The following MIER1 variants were observed in gnomAD, a reference collection of about 807,000 sequenced individuals.
MIER1 encodes mesoderm induction early response protein 1.
Under a neutral mutation model 75.7 loss-of-function variants are expected in MIER1, and 40 were observed. That is an observed-to-expected ratio of 0.53 (90% confidence interval 0.41 to 0.69). MIER1 has a LOEUF of 0.69. MIER1 is among the 30% of genes least tolerant of loss of function. The pLI is 0.00. For synonymous variants in MIER1, 213 were observed against 223.4 expected (o/e 0.95, Z 0.42); for missense variants, 574 against 680.2 (o/e 0.84, Z 1.74).
chr1:66,948,927 CTG>C (rs1367633708), intron 4 of MIER1, among the ~76,000 whole-genome samples: 3 of 152,110 alleles, frequency 2.0e-5, no homozygotes, highest in East Asian at 1.9e-4. Context: ...TTTTCAGAGA[CTG>C]TGTGTCTGAA....
At chr1:66,983,265 C>T (rs1422157040) in intron 13 of MIER1, among the ~76,000 whole-genome samples, 6 of 152,262 alleles carry the variant, frequency 3.9e-5, no homozygotes, top group South Asian at 2.1e-4. Context: ...TAATCACAGT[C>T]GTCAGCTAGC....
intron 8 of MIER1, among the ~76,000 whole-genome samples, chr1:66,964,838 A>G (rs1662053450): frequency 1.3e-5 from 2 of 152,124 alleles, no homozygotes; most frequent in African/African-American, 4.8e-5. Context: ...TTTTCTTCAC[A>G]TTTCAACTTA....
chr1:66,928,026 T>G (rs879459384), intron 2 of MIER1, among the ~76,000 whole-genome samples: 1 of 152,118 alleles, frequency 6.6e-6, no homozygotes, highest in Non-Finnish European at 1.5e-5. Flanking sequence ...GGAAGGATAC[T>G]GAATTCAGTG....
chr1:66,944,329 C>T (rs1656963273), intron 3 of MIER1, among the ~76,000 whole-genome samples: 1 of 151,630 alleles, frequency 6.6e-6, no homozygotes, highest in South Asian at 2.1e-4. Flanking sequence ...TTTCAATGTT[C>T]AGTAACTCAT....
chr1:66,949,871 T>C (rs924462895), intron 4 of MIER1, among the ~76,000 whole-genome samples: 4 of 152,240 alleles, frequency 2.6e-5, no homozygotes, highest in East Asian at 3.8e-4. Flanking sequence ...TCAGGAAATA[T>C]CAATAACTGT....
chr1:66,948,933 G>A (rs1444997963), intron 4 of MIER1, among the ~76,000 whole-genome samples: 3 of 152,268 alleles, frequency 2.0e-5, no homozygotes, highest in East Asian at 3.9e-4. Flanking sequence ...GAGACTGTGT[G>A]TCTGAAAACA....
In MIER1 at chr1:66,958,185, AATG is replaced by A; in HGVS notation, c.471_473del (p.Asp158del). 1.9e-6 allele frequency: 3 copies of A among 1,604,722 alleles called. No homozygotes were observed. Among genetic ancestry groups the A allele is most frequent in the East Asian group, 2.2e-5 (1 of 44,764 alleles). On this transcript the variant is annotated inframe_deletion, in exon 5 of 14. Coordinates refer to ENST00000401041, the MANE Select transcript of MIER1 (RefSeq NM_001077700.3). ...AGGTGAAGATGATGAAGATGCTGAT[AATG>A]ATGACAACAGTGGCTGTAGTGGGGA...
intron 3 of MIER1, among the ~76,000 whole-genome samples, chr1:66,942,271 A>G (rs1489831444): frequency 6.6e-6 from 1 of 152,222 alleles, no homozygotes; most frequent in East Asian, 1.9e-4. Flanking sequence ...AATGCTAGTA[A>G]TAATAGTCAC....
chr1:66,940,009 T>C lies in MIER1; in HGVS notation c.169-19T>C, dbSNP rs868665022. 4 of 1,596,544 alleles carry C rather than the reference T, an allele frequency of 2.5e-6. No homozygotes were observed. Among genetic ancestry groups the C allele is most frequent in the Non-Finnish European group, 2.6e-6 (3 of 1,165,094 alleles). On this transcript the variant is annotated intron_variant, in intron 2 of 13. Transcript: ENST00000401041. ...ATTATACAGAAATACTAATTTTTCC[T>C]CTTTTCTCCCCTTCTCAGCCATCTG... is the stretch of plus-strand genomic sequence containing the variant.
intron 4 of MIER1, chr1:66,946,561 A>G (rs936327958): frequency 9.9e-6 from 11 of 1,108,106 alleles, no homozygotes; most frequent in Non-Finnish European, 1.2e-5. Flanking sequence ...GGTCTGGTCA[A>G]AAATGGACTA....
intron 2 of MIER1, among the ~76,000 whole-genome samples, chr1:66,934,647 C>T (rs963280375): frequency 6.7e-6 from 1 of 149,300 alleles, no homozygotes; most frequent in Admixed American, 6.8e-5. Flanking sequence ...CTTAAGTGAT[C>T]CTCCTGTCTT....
chr1:66,925,169 A>C, intron 1 of MIER1, 74 bp downstream of exon 1: 1 of 1,503,878 alleles, frequency 6.6e-7, no homozygotes, highest in Non-Finnish European at 8.8e-7. Context: ...AGGTGTCCTC[A>C]GTCCCCTTTC....
At chr1:66,937,342 T>C (rs1249309314) in intron 2 of MIER1, among the ~76,000 whole-genome samples, 1 of 152,138 alleles carries the variant, frequency 6.6e-6, no homozygotes, top group African/African-American at 2.4e-5. Context: ...TCCCGGCACT[T>C]TTGGGAGGCC....
chr1:66,942,311 C>A (rs1558036431), intron 3 of MIER1, among the ~76,000 whole-genome samples: 1 of 152,194 alleles, frequency 6.6e-6, no homozygotes, highest in African/African-American at 2.4e-5. Context: ...TGTCTGTAGT[C>A]TCCACCAGTG....
At chr1:66,974,644 T>C (rs956619493) in intron 11 of MIER1, among the ~76,000 whole-genome samples, 3 of 152,138 alleles carry the variant, frequency 2.0e-5, no homozygotes, top group African/African-American at 7.2e-5. Context: ...GTATTAAAAG[T>C]ATAACCTTGA....
rs1328690085 is a variant in MIER1, at chr1:66,986,958, T to C, written c.*2058T>C. On this transcript the variant is annotated 3_prime_UTR_variant, in exon 14 of 14. Coordinates refer to ENST00000401041, the MANE Select transcript of MIER1 (RefSeq NM_001077700.3). ...AATTGTTGCAGTGTTGGAGATGCCA[T>C]TTTCACCTTTTTAAAAAGATGCATT... 6.6e-6 allele frequency: 1 copy of C among 152,428 alleles called. No homozygotes were observed. The highest frequency in any genetic ancestry group is 1.5e-5 in the Non-Finnish European group (1 of 68,080). 9.4% of individuals were successfully genotyped at this position (152,428 alleles called of 1,614,324 possible).
intron 2 of MIER1, among the ~76,000 whole-genome samples, chr1:66,927,594 G>A (rs1416800550): frequency 6.6e-6 from 1 of 151,714 alleles, no homozygotes; most frequent in African/African-American, 2.4e-5. Flanking sequence ...GTTTGCATTT[G>A]GATACAAAGA....
rs1001734178 is a variant in MIER1 at position 66,963,258 on chromosome 1, A to G, written c.772+98A>G. On this transcript the variant is annotated intron_variant, in intron 8 of 13. Coordinates refer to ENST00000401041, the MANE Select transcript of MIER1 (RefSeq NM_001077700.3). The stretch of plus-strand genomic sequence containing the variant: ...TGTGATAAGAACATGACAGCCTACT[A>G]AGTAACCCCATTGTAACCCCATTGG... The G allele has an allele frequency of 9.4e-6, 7 of 742,932 alleles. No individual in the cohort carries two copies. In the African/African-American group the frequency reaches 1.1e-4, roughly 11 times the overall value. The allele number at this position is 742,932 out of a possible 1,614,324, so 46.0% of individuals were successfully genotyped here. A position where few individuals can be genotyped will look rare whatever the true frequency, so the allele number is the denominator to read the frequency against.
chr1:66,934,217 A>G (rs1654142820), intron 2 of MIER1, among the ~76,000 whole-genome samples: 1 of 152,162 alleles, frequency 6.6e-6, no homozygotes, highest in Non-Finnish European at 1.5e-5. Flanking sequence ...TTTCTAGAGC[A>G]ATTTATAATA....
Sources: gnomAD v4.1 joint callset for allele counts (sites outside exome capture counted in the v4.1 genomes callset) on GRCh38, gnomAD v4.1.1 for gene constraint, MANE v1.5 for transcripts, NCBI Gene and HGNC (gene_info 2026-07-23, HGNC 2026-07-21) for gene names.